The following ATP8A2 variants were observed in gnomAD, a reference collection of about 807,000 sequenced individuals.
ATP8A2 encodes the protein ATPase phospholipid transporting 8A2.
ATP8A2 carries 100 observed loss-of-function variants against 165.6 expected under a neutral mutation model. That is an observed-to-expected ratio of 0.60 (90% CI 0.51 to 0.71). ATP8A2 has a LOEUF of 0.71. Among genes scored for constraint, ATP8A2 ranks in the 30% least tolerant of loss-of-function variants. The probability of loss-of-function intolerance (pLI) is 0.00; values close to 1 mark genes in which losing one functional copy is unlikely to be tolerated. For synonymous variants in ATP8A2, 543 were observed against 548.8 expected (o/e 0.99, Z 0.15); for missense variants, 1,227 against 1,479.5 (o/e 0.83, Z 2.80).
chr13:25,402,089 C>A (rs1054163399), intron 1 of ATP8A2, among the ~76,000 whole-genome samples: 1 of 152,068 alleles, frequency 6.6e-6, no homozygotes, highest in East Asian at 1.9e-4. Flanking sequence ...AGTCAATCCA[C>A]CAAGAAGACT....
intron 35 of ATP8A2, among the ~76,000 whole-genome samples, chr13:25,977,341 A>AG: frequency 6.6e-6 from 1 of 152,182 alleles, no homozygotes; most frequent in East Asian, 1.9e-4. Flanking sequence ...CTCCCAGGCA[A>AG]GGCCAGTTAA....
chr13:25,787,770 G>A (rs994959924), intron 27 of ATP8A2, among the ~76,000 whole-genome samples: 9 of 152,226 alleles, frequency 5.9e-5, no homozygotes, highest in Non-Finnish European at 1.0e-4. Context: ...GGGAGTCCTG[G>A]AAGTCCAGCT....
At chr13:25,484,602 A>T (rs1289197550) in intron 2 of ATP8A2, among the ~76,000 whole-genome samples, 1 of 151,748 alleles carries the variant, frequency 6.6e-6, no homozygotes. Context: ...GCAACATCCC[A>T]CTCCCGGATT....
At position 25,513,246 on chromosome 13, in the gene ATP8A2, C is replaced by T. The variant is rs1462659348; in HGVS notation, c.222-16753C>T. Reference sequence around the variant, plus strand: ...GGGTCTCCTCACTTCTCAGACGGGGCGGCTGGGCAGAGACGCTCCTCACCT... The same window carrying T: ...GGGTCTCCTCACTTCTCAGACGGGGTGGCTGGGCAGAGACGCTCCTCACCT... On this transcript the variant is annotated intron_variant, in intron 2 of 36. Transcript: ENST00000381655. Among the ~76,000 whole-genome samples, 12 of 151,258 alleles carry T rather than the reference C, an allele frequency of 7.9e-5. No individual in the cohort carries two copies. The East Asian group carries it at 1.6e-3, about 20-fold the overall frequency.
At chr13:25,438,446 G>C (rs953224063) in intron 1 of ATP8A2, among the ~76,000 whole-genome samples, 1 of 151,996 alleles carries the variant, frequency 6.6e-6, no homozygotes, top group Non-Finnish European at 1.5e-5. Context: ...GAGTTTAGAT[G>C]AGCCTGAGCA....
chr13:25,511,607 A>C (rs1177547916), intron 2 of ATP8A2, among the ~76,000 whole-genome samples: 4 of 152,162 alleles, frequency 2.6e-5, no homozygotes, highest in Non-Finnish European at 4.4e-5. Flanking sequence ...GGGTATAGAA[A>C]TCTAAAGTGT....
chr13:25,654,925 T>A (rs1388767504), intron 24 of ATP8A2, among the ~76,000 whole-genome samples: 1 of 152,172 alleles, frequency 6.6e-6, no homozygotes, highest in African/African-American at 2.4e-5. Context: ...AACAGAAGTC[T>A]CCAAAATTGG....
chr13:25,511,711 T>C (rs2037230901), intron 2 of ATP8A2, among the ~76,000 whole-genome samples: 2 of 152,192 alleles, frequency 1.3e-5, no homozygotes, highest in Non-Finnish European at 2.9e-5. Context: ...CTTTATGGTT[T>C]AGAAATAGCA....
chr13:25,571,067 ACT>A (rs1319466436), intron 17 of ATP8A2, among the ~76,000 whole-genome samples, 195 bp downstream of exon 17: 1 of 151,544 alleles, frequency 6.6e-6, no homozygotes, highest in African/African-American at 2.4e-5. Flanking sequence ...GACTCTCATG[ACT>A]CTTTTTTAAC....
chr13:25,667,453 C>T (rs536251091), intron 24 of ATP8A2, among the ~76,000 whole-genome samples: 6 of 152,138 alleles, frequency 3.9e-5, no homozygotes, highest in Admixed American at 6.5e-5. Context: ...TTAGTTCTCA[C>T]GGGAGTCAGT....
chr13:25,711,546 T>C (rs2043158560), intron 25 of ATP8A2, among the ~76,000 whole-genome samples: 1 of 149,014 alleles, frequency 6.7e-6, no homozygotes, highest in Admixed American at 6.7e-5. Flanking sequence ...CACATCTCTA[T>C]ATTTAAAAAA....
At chr13:25,403,995 T>C (rs1286171301) in intron 1 of ATP8A2, among the ~76,000 whole-genome samples, 1 of 152,212 alleles carries the variant, frequency 6.6e-6, no homozygotes, top group Non-Finnish European at 1.5e-5. Flanking sequence ...TGAATGTTTA[T>C]TGAATACCTG....
intron 24 of ATP8A2, among the ~76,000 whole-genome samples, chr13:25,615,559 G>A (rs1159863874): frequency 6.6e-6 from 1 of 152,108 alleles, no homozygotes; most frequent in Non-Finnish European, 1.5e-5. Context: ...CTTCTTCCGG[G>A]TTCTGTCCAG....
chr13:25,556,757 G>C (rs61948627), intron 13 of ATP8A2, among the ~76,000 whole-genome samples: 7,166 of 152,242 alleles, frequency 0.047, 192 homozygotes, highest in Non-Finnish European at 0.051. Flanking sequence ...TCATTTTATA[G>C]AGAAGGAAAG....
At chr13:25,631,156 G>A (rs2041231352) in intron 24 of ATP8A2, among the ~76,000 whole-genome samples, 1 of 152,120 alleles carries the variant, frequency 6.6e-6, no homozygotes, top group Admixed American at 6.5e-5. Context: ...ACATACCTGT[G>A]GTTTTTGCAG....
intron 7 of ATP8A2, among the ~76,000 whole-genome samples, chr13:25,539,015 T>C (rs976202501): frequency 1.3e-5 from 2 of 151,926 alleles, no homozygotes; most frequent in Non-Finnish European, 2.9e-5. Flanking sequence ...ACTTGATAGT[T>C]CGGGCTTTAA....
chr13:25,823,894 A>G (rs1041008095), intron 27 of ATP8A2, among the ~76,000 whole-genome samples: 3 of 152,000 alleles, frequency 2.0e-5, no homozygotes, highest in African/African-American at 2.4e-5. Context: ...TTTTTTGCTT[A>G]TCTTTAAAGT....
At chr13:25,722,782 T>C (rs2043409134) in intron 25 of ATP8A2, among the ~76,000 whole-genome samples, 1 of 152,240 alleles carries the variant, frequency 6.6e-6, no homozygotes, top group Non-Finnish European at 1.5e-5. Context: ...AAGATCCCTG[T>C]GTACCTAAGA....
At chr13:25,469,678 G>A (rs2035788396) in intron 2 of ATP8A2, among the ~76,000 whole-genome samples, 1 of 152,168 alleles carries the variant, frequency 6.6e-6, no homozygotes, top group East Asian at 1.9e-4. Context: ...TGGCCGCTAT[G>A]TCACACACCC....
Sources: allele counts gnomAD v4.1 joint callset (sites outside exome capture counted in the v4.1 genomes callset), GRCh38; gene constraint gnomAD v4.1.1; transcripts MANE v1.5; gene names NCBI Gene and HGNC (gene_info 2026-07-23, HGNC 2026-07-21).